Variants in DLGAP2 observed in about 807,000 individuals in gnomAD.
DLGAP2 encodes the protein DLG associated protein 2, also known as disks large-associated protein 2.
A neutral mutation model predicts 100.3 loss-of-function variants in DLGAP2; 26 were observed. The observed-to-expected ratio is 0.26, with a 90% CI of 0.19 to 0.36. DLGAP2 has a LOEUF of 0.36. Ranked by LOEUF, DLGAP2 falls within the 10% of genes least tolerant of loss-of-function variation. DLGAP2 has a pLI of 1.00. For synonymous variants in DLGAP2, 886 were observed against 630.1 expected, an observed-to-expected ratio of 1.41 and a Z score of -6.08; for missense variants, 1,858 against 1,453.2, an observed-to-expected ratio of 1.28 and a Z score of -4.53.
chr8:923,969 G>C (rs1212860595), intron 2 of DLGAP2, among the ~76,000 whole-genome samples: 1 of 152,190 alleles, frequency 6.6e-6, no homozygotes, highest in African/African-American at 2.4e-5. Context: ...CCAGCTTAAT[G>C]TTCTTAAGTT....
chr8:1,698,682 T>C (rs1387781400), intron 14 of DLGAP2, among the ~76,000 whole-genome samples: 1 of 150,982 alleles, frequency 6.6e-6, no homozygotes, highest in Non-Finnish European at 1.5e-5. Flanking sequence ...GTGTAAGCCA[T>C]GCATGGGACT....
chr8:1,482,716 G>C (rs1387385379), intron 3 of DLGAP2, among the ~76,000 whole-genome samples: 3 of 152,224 alleles, frequency 2.0e-5, no homozygotes, highest in African/African-American at 7.2e-5. Context: ...CCTGGGATGC[G>C]CTTCCTTCCA....
At position 1,250,983 on chromosome 8, in the gene DLGAP2, C is replaced by G. The variant is rs537899350; in HGVS notation, c.74-7868C>G. Among the ~76,000 whole-genome samples, 12 of 152,286 alleles carry G rather than the reference C, an allele frequency of 7.9e-5. No individual in the cohort carries two copies. The South Asian group carries it at 2.5e-3, about 32-fold the overall frequency. On this transcript the variant is annotated intron_variant, in intron 2 of 14. Coordinates refer to ENST00000637795, the MANE Select transcript of DLGAP2 (RefSeq NM_001346810.2). ...TCGGTACGTGGCACAGTGGTGAAGT[C>G]TGGGTGAATATTTAGGGGTTGGCTT...
intron 2 of DLGAP2, among the ~76,000 whole-genome samples, chr8:1,005,181 C>G (rs796677103): frequency 2.6e-5 from 4 of 152,246 alleles, no homozygotes; most frequent in African/African-American, 7.2e-5. Flanking sequence ...GGCTACTGAC[C>G]TCACCTACAG....
At chr8:787,531 G>C (rs569663674) in intron 1 of DLGAP2, among the ~76,000 whole-genome samples, 22 of 152,234 alleles carry the variant, frequency 1.4e-4, no homozygotes, top group Non-Finnish European at 2.1e-4. Context: ...AGGATGTGCA[G>C]GGGGCACTGG....
chr8:865,027 C>A (rs1054039729), intron 1 of DLGAP2, among the ~76,000 whole-genome samples: 1 of 152,130 alleles, frequency 6.6e-6, no homozygotes, highest in Admixed American at 6.5e-5. Flanking sequence ...GATGGAGTAA[C>A]CTTGTTTCCA....
At chr8:1,155,300 A>C (rs1488294744) in intron 2 of DLGAP2, among the ~76,000 whole-genome samples, 1 of 152,056 alleles carries the variant, frequency 6.6e-6, no homozygotes, top group Non-Finnish European at 1.5e-5. Context: ...AGTGGTTTCC[A>C]ACACGCTTTC....
chr8:1,207,764 G>A (rs1798026036), intron 2 of DLGAP2, among the ~76,000 whole-genome samples: 1 of 152,138 alleles, frequency 6.6e-6, no homozygotes, highest in Non-Finnish European at 1.5e-5. Flanking sequence ...ATTGTTGCAG[G>A]AGTGAGGTGG....
chr8:1,244,058 C>A (rs1347878009), intron 2 of DLGAP2, among the ~76,000 whole-genome samples: 1 of 152,284 alleles, frequency 6.6e-6, no homozygotes, highest in East Asian at 1.9e-4. Flanking sequence ...CTCCGCACTC[C>A]ACCGTAGGGA....
chr8:1,346,026 AG>A (rs1332332834), intron 3 of DLGAP2, among the ~76,000 whole-genome samples: 1 of 152,246 alleles, frequency 6.6e-6, no homozygotes, highest in African/African-American at 2.4e-5. Context: ...CAGATGGGAC[AG>A]GCTCAATGCC....
At chr8:1,235,970 G>T (rs868657907) in intron 2 of DLGAP2, among the ~76,000 whole-genome samples, 1 of 12,344 alleles carries the variant, frequency 8.1e-5, no homozygotes. Context: ...GTCTTACATG[G>T]TGCCGTGTCT....
At chr8:1,657,502 CTG>C (rs1798311217) in intron 8 of DLGAP2, among the ~76,000 whole-genome samples, 1 of 152,200 alleles carries the variant, frequency 6.6e-6, no homozygotes, top group African/African-American at 2.4e-5. Context: ...TGATTTTAAT[CTG>C]TGGCAGCAAA....
intron 2 of DLGAP2, among the ~76,000 whole-genome samples, chr8:1,079,706 A>G (rs1803738568): frequency 6.6e-6 from 1 of 152,244 alleles, no homozygotes; most frequent in Non-Finnish European, 1.5e-5. Flanking sequence ...GGACGAGGTT[A>G]TAATCCAGTT....
At chr8:1,666,277 T>C (rs1295939203) in intron 8 of DLGAP2, among the ~76,000 whole-genome samples, 1 of 152,192 alleles carries the variant, frequency 6.6e-6, no homozygotes, top group Non-Finnish European at 1.5e-5. Flanking sequence ...GTTTGTCTGG[T>C]AAAAGAGAAG....
chr8:1,112,371 G>A (rs2129046068), intron 2 of DLGAP2, among the ~76,000 whole-genome samples: 1 of 150,548 alleles, frequency 6.6e-6, no homozygotes, highest in Non-Finnish European at 1.5e-5. Flanking sequence ...CTCCCGATTA[G>A]CTGGGACTAC....
intron 6 of DLGAP2, among the ~76,000 whole-genome samples, chr8:1,584,617 G>A (rs1446928828): frequency 6.6e-6 from 1 of 152,132 alleles, no homozygotes; most frequent in Non-Finnish European, 1.5e-5. Flanking sequence ...CAGCCCTAGG[G>A]GTTCCCAGGT....
At position 1,278,213 on chromosome 8, in the gene DLGAP2, A is replaced by T. The variant is rs1799744804; in HGVS notation, c.106+19330A>T. ...AAGAGCTGTATGCGTCGGACAAGCC[A>T]CTCACTCCCTTGGACTCTCAATTAT... On this transcript the variant is annotated intron_variant, in intron 3 of 14. Coordinates refer to ENST00000637795, the MANE Select transcript of DLGAP2 (RefSeq NM_001346810.2). Among the ~76,000 whole-genome samples, 2 of 152,082 alleles carry T rather than the reference A, an allele frequency of 1.3e-5. 1 individual carries two copies. Among genetic ancestry groups the T allele is most frequent in the South Asian group, 4.2e-4 (2 of 4,812 alleles).
At chr8:1,313,466 C>T (rs955032230) in intron 3 of DLGAP2, among the ~76,000 whole-genome samples, 18 of 152,156 alleles carry the variant, frequency 1.2e-4, no homozygotes, top group African/African-American at 4.1e-4. Flanking sequence ...TACTCCCCCC[C>T]TTAATTATGG....
In DLGAP2 at chr8:1,380,874, A is replaced by G. The variant is rs1563117030; in HGVS notation, c.107-120492A>G. ...AGAAAATAAAGCCATAAGAATTGCA[A>G]AATATGATTTTGGTGACCATTTGTA... On this transcript the variant is annotated intron_variant, in intron 3 of 14. Coordinates refer to ENST00000637795, the MANE Select transcript of DLGAP2 (RefSeq NM_001346810.2). Among the ~76,000 whole-genome samples the G allele has an allele frequency of 2.7e-5, 4 of 149,614 alleles. No homozygotes were observed. In the Admixed American group the frequency reaches 2.7e-4, roughly 10 times the overall value.
Sources: allele counts gnomAD v4.1 joint callset (sites outside exome capture counted in the v4.1 genomes callset), GRCh38; gene constraint gnomAD v4.1.1; transcripts MANE v1.5; gene names NCBI Gene and HGNC (gene_info 2026-07-23, HGNC 2026-07-21).